Variants in ANTXR1 observed in about 807,000 individuals in gnomAD.
The protein encoded by ANTXR1 is ANTXR cell adhesion molecule 1.
ANTXR1 carries 19 observed loss-of-function variants against 78.1 expected under a neutral mutation model. The ratio of observed to expected loss-of-function variants is 0.24; its 90% CI spans 0.17 to 0.36. The LOEUF is 0.36. Ranked by LOEUF, ANTXR1 falls within the 10% of genes least tolerant of loss-of-function variation. The pLI, the probability that ANTXR1 is intolerant of heterozygous loss-of-function variation, is 1.00. For synonymous variants in ANTXR1, 273 were observed against 260.5 expected (o/e 1.05, Z -0.46); for missense variants, 518 against 718.6 (o/e 0.72, Z 3.19).
At chr2:69,138,035 G>T (rs1343279172) in intron 12 of ANTXR1, among the ~76,000 whole-genome samples, 1 of 144,118 alleles carries the variant, frequency 6.9e-6, no homozygotes, top group Non-Finnish European at 1.5e-5. Context: ...AATGAGCCAA[G>T]ATTGCACCAT....
intron 3 of ANTXR1, among the ~76,000 whole-genome samples, chr2:69,056,169 A>C (rs771986559): frequency 1.3e-5 from 2 of 152,202 alleles, no homozygotes; most frequent in African/African-American, 2.4e-5. Context: ...AGTAGTCAAC[A>C]GAACCAAAGA....
Position 69,170,237 on chromosome 2 carries a change from T to C in ANTXR1, c.1048-11T>C. ...GATTTTTCACTGACCTGTTCTCTGT[T>C]TTCTTTTCAGATTATCAAGGAGGTC... On this transcript the variant is annotated splice_polypyrimidine_tract_variant and intron_variant, in intron 13 of 17. Transcript: ENST00000303714. The C allele has an allele frequency of 2.5e-6, 4 of 1,614,166 alleles. No individual in the cohort carries two copies. The highest frequency in any genetic ancestry group is 2.5e-6 in the Non-Finnish European group (3 of 1,179,984).
intron 1 of ANTXR1, among the ~76,000 whole-genome samples, chr2:69,019,082 G>C (rs566986065): frequency 6.6e-6 from 1 of 152,260 alleles, no homozygotes; most frequent in East Asian, 1.9e-4. Flanking sequence ...GACTGAATCT[G>C]ATAGAAAAAG....
At chr2:69,078,841 A>G (rs897973597) in intron 8 of ANTXR1, among the ~76,000 whole-genome samples, 10 of 152,216 alleles carry the variant, frequency 6.6e-5, no homozygotes, top group Non-Finnish European at 7.3e-5. Flanking sequence ...TCCCCTAAAC[A>G]TTCTTGAATA....
chr2:69,245,247 G>A lies in ANTXR1; in HGVS notation c.1457G>A (p.Arg486Lys), dbSNP rs754452382. ...TAGGGGCGCTGCATCAACTTCACCAGGGTCAAGAACAACCAGCCAGCCAAG... is the reference window on the plus strand; with the variant it reads ...TAGGGGCGCTGCATCAACTTCACCAAGGTCAAGAACAACCAGCCAGCCAAG... ...GDTGRCINFT[R>K]VKNNQPAKYP... The change falls in exon 18 of 18, where the codon AGG becomes AAG. Residue 486 changes from arginine to lysine, a missense_variant. Transcript: ENST00000303714. The A allele has an allele frequency of 1.9e-6, 3 of 1,613,886 alleles. No homozygotes were observed. In the Admixed American group the frequency reaches 5.0e-5, roughly 27 times the overall value.
At chr2:69,045,403 C>A (rs765379175) in intron 3 of ANTXR1, among the ~76,000 whole-genome samples, 5 of 152,150 alleles carry the variant, frequency 3.3e-5, no homozygotes, top group Non-Finnish European at 7.4e-5. Flanking sequence ...CTAGCAATAA[C>A]AGAGTCATGT....
At chr2:69,199,241 G>A (rs1674721394) in intron 17 of ANTXR1, among the ~76,000 whole-genome samples, 1 of 152,180 alleles carries the variant, frequency 6.6e-6, no homozygotes, top group Admixed American at 6.5e-5. Context: ...AAGTTCTGGG[G>A]TGGAGCCTGG....
intron 10 of ANTXR1, among the ~76,000 whole-genome samples, chr2:69,117,948 G>A (rs980720169): frequency 6.6e-6 from 1 of 152,144 alleles, no homozygotes; most frequent in Admixed American, 6.5e-5. Context: ...AGCACTCTGA[G>A]ATAATGATAC....
At chr2:69,161,241 C>T (rs1025743493) in intron 13 of ANTXR1, among the ~76,000 whole-genome samples, 1 of 152,178 alleles carries the variant, frequency 6.6e-6, no homozygotes, top group Non-Finnish European at 1.5e-5. Context: ...TCTCACATTA[C>T]CATGTGAGTC....
chr2:69,041,202 T>C (rs1669605671), intron 2 of ANTXR1, among the ~76,000 whole-genome samples: 1 of 152,190 alleles, frequency 6.6e-6, no homozygotes, highest in Non-Finnish European at 1.5e-5. Context: ...TAGAAAATGT[T>C]TGAAAGGATC....
intron 6 of ANTXR1, among the ~76,000 whole-genome samples, chr2:69,075,215 C>T (rs187844921): frequency 1.3e-5 from 2 of 152,262 alleles, no homozygotes; most frequent in Admixed American, 1.3e-4. Context: ...CCAAAGGCCC[C>T]ATTCTTTTGT....
At chr2:69,073,841 C>G (rs1558517479) in intron 6 of ANTXR1, among the ~76,000 whole-genome samples, 2 of 152,110 alleles carry the variant, frequency 1.3e-5, no homozygotes, top group Non-Finnish European at 2.9e-5. Flanking sequence ...AAACTATAGC[C>G]TTATTAGTGA....
At position 69,109,299 on chromosome 2, in the gene ANTXR1, A is replaced by T. The variant is rs575601548; in HGVS notation, c.802+6359A>T. On this transcript the variant is annotated intron_variant, in intron 10 of 17. Coordinates refer to ENST00000303714, the MANE Select transcript of ANTXR1 (RefSeq NM_032208.3). ...GTAACTGAGTATTGTAAAGATATCAATTGTCTTCATCTTAATATCTACTTT... is the reference window on the plus strand; with the variant it reads ...GTAACTGAGTATTGTAAAGATATCATTTGTCTTCATCTTAATATCTACTTT... Among the ~76,000 whole-genome samples, 6 of 152,344 alleles carry T rather than the reference A, an allele frequency of 3.9e-5. No individual in the cohort carries two copies. In the South Asian group the frequency reaches 1.0e-3, roughly 26 times the overall value.
At chr2:69,051,670 T>C (rs1669938072) in intron 3 of ANTXR1, among the ~76,000 whole-genome samples, 1 of 152,056 alleles carries the variant, frequency 6.6e-6, no homozygotes. Flanking sequence ...ATAAGAAACA[T>C]TAATTTTTAA....
At chr2:69,046,885 A>G (rs940024519) in intron 3 of ANTXR1, among the ~76,000 whole-genome samples, 4 of 152,214 alleles carry the variant, frequency 2.6e-5, no homozygotes, top group African/African-American at 7.2e-5. Context: ...GACCTTATAG[A>G]ATTAAGAAAA....
chr2:69,213,805 A>G (rs1675109566), intron 17 of ANTXR1, among the ~76,000 whole-genome samples: 1 of 152,258 alleles, frequency 6.6e-6, no homozygotes, highest in African/African-American at 2.4e-5. Context: ...TCATGGAAAG[A>G]GCCAGGGCCT....
intron 17 of ANTXR1, 53 bp downstream of exon 17, chr2:69,193,468 C>T: frequency 7.2e-6 from 8 of 1,105,932 alleles, no homozygotes; most frequent in Non-Finnish European, 9.5e-6. Context: ...CTCACATACA[C>T]ACACACACAC....
intron 15 of ANTXR1, 27 bp downstream of exon 15, chr2:69,181,908 A>G (rs766977090): frequency 1.2e-6 from 2 of 1,608,902 alleles, no homozygotes; most frequent in Admixed American, 1.7e-5. Context: ...ATATACACTT[A>G]TCTATGTGCT....
intron 10 of ANTXR1, among the ~76,000 whole-genome samples, chr2:69,107,100 T>G (rs1417024579): frequency 6.6e-6 from 1 of 152,078 alleles, no homozygotes; most frequent in Non-Finnish European, 1.5e-5. Flanking sequence ...AGAAGGGAAT[T>G]TGAGGAAATT....
Sources: allele counts gnomAD v4.1 joint callset (sites outside exome capture counted in the v4.1 genomes callset), GRCh38; gene constraint gnomAD v4.1.1; transcripts MANE v1.5; gene names NCBI Gene and HGNC (gene_info 2026-07-23, HGNC 2026-07-21).